The following TRAPPC9 variants were observed in gnomAD, a reference collection of about 807,000 sequenced individuals.
TRAPPC9 encodes the protein IKK2 binding protein.
TRAPPC9 carries 83 observed loss-of-function variants against 124.0 expected under a neutral mutation model. The observed-to-expected ratio is 0.67, with a 90% CI of 0.56 to 0.80. The LOEUF (loss-of-function observed/expected upper bound fraction) is 0.80, where lower values mean the gene tolerates loss of function less well. TRAPPC9 is among the 30% of genes least tolerant of loss of function. The pLI is 0.00. For synonymous variants in TRAPPC9, 638 were observed against 617.5 expected, an observed-to-expected ratio of 1.03 and a Z score of -0.49; for missense variants, 1,302 against 1,508.3, an observed-to-expected ratio of 0.86 and a Z score of 2.27.
At chr8:140,420,709 AAAGAGATAAAC>A (rs1167442361) in intron 5 of TRAPPC9, among the ~76,000 whole-genome samples, 1 of 152,180 alleles carries the variant, frequency 6.6e-6, no homozygotes, top group East Asian at 1.9e-4. Flanking sequence ...AAAAATGTAT[AAAGAGATAAAC>A]AAATATCTAG....
At chr8:140,101,667 C>T (rs562024953) in intron 17 of TRAPPC9, among the ~76,000 whole-genome samples, 149 of 150,926 alleles carry the variant, frequency 9.9e-4, no homozygotes, top group African/African-American at 3.6e-3. Context: ...CTCAGCCACC[C>T]AAGTAGCTGG....
chr8:139,842,308 T>C (rs746263965), intron 21 of TRAPPC9, among the ~76,000 whole-genome samples: 3 of 152,204 alleles, frequency 2.0e-5, no homozygotes, highest in Non-Finnish European at 2.9e-5. Context: ...GCCCAGAGCT[T>C]CCCACCTGTG....
intron 17 of TRAPPC9, among the ~76,000 whole-genome samples, chr8:140,163,836 A>T (rs912016732): frequency 3.9e-5 from 6 of 152,224 alleles, no homozygotes; most frequent in African/African-American, 1.4e-4. Context: ...TCCAGGAGCA[A>T]GAAGAGAGTT....
chr8:140,340,128 A>G (rs6985513), intron 9 of TRAPPC9, among the ~76,000 whole-genome samples: 98,712 of 152,124 alleles, frequency 0.65, 32,716 homozygotes, highest in African/African-American at 0.8. Flanking sequence ...ATTTACAGGC[A>G]TGAGCCACTG....
At chr8:139,943,659 A>C (rs749880899) in intron 19 of TRAPPC9, among the ~76,000 whole-genome samples, 2 of 152,220 alleles carry the variant, frequency 1.3e-5, no homozygotes, top group Non-Finnish European at 2.9e-5. Flanking sequence ...CATTATTGAA[A>C]ATACTGTGGC....
intron 18 of TRAPPC9, among the ~76,000 whole-genome samples, chr8:140,005,924 AGGAGG>A (rs1197779743): frequency 2.0e-5 from 3 of 147,904 alleles, no homozygotes; most frequent in African/African-American, 7.5e-5. Flanking sequence ...AAAAAAAAAA[AGGAGG>A]AGGAGGAGGA....
At chr8:140,010,203 T>C (rs1839031965) in intron 18 of TRAPPC9, among the ~76,000 whole-genome samples, 1 of 152,228 alleles carries the variant, frequency 6.6e-6, no homozygotes, top group African/African-American at 2.4e-5. Flanking sequence ...TCTTAGATTT[T>C]TGCAATTTAA....
At chr8:140,250,335 G>A (rs982502904) in intron 16 of TRAPPC9, among the ~76,000 whole-genome samples, 5 of 152,180 alleles carry the variant, frequency 3.3e-5, no homozygotes, top group Admixed American at 2.6e-4. Flanking sequence ...ATCCCGGTTT[G>A]TGCAACAGCT....
chr8:139,929,734 G>A (rs1287553273), intron 19 of TRAPPC9, among the ~76,000 whole-genome samples: 1 of 152,256 alleles, frequency 6.6e-6, no homozygotes, highest in Non-Finnish European at 1.5e-5. Flanking sequence ...CGACACATAG[G>A]TGTGTGGGGA....
chr8:140,361,827 G>C (rs768936276), intron 8 of TRAPPC9, among the ~76,000 whole-genome samples: 26 of 152,296 alleles, frequency 1.7e-4, no homozygotes, highest in Admixed American at 5.9e-4. Context: ...AGGGCCTGAC[G>C]TGAGACTGGG....
intron 17 of TRAPPC9, among the ~76,000 whole-genome samples, chr8:140,108,892 A>G (rs2060714488): frequency 6.6e-6 from 1 of 152,222 alleles, no homozygotes; most frequent in African/African-American, 2.4e-5. Context: ...ATGACTAAGA[A>G]TAGATTGAAA....
At chr8:139,857,626 G>T (rs1160457122) in intron 21 of TRAPPC9, among the ~76,000 whole-genome samples, 1 of 152,202 alleles carries the variant, frequency 6.6e-6, no homozygotes, top group Admixed American at 6.5e-5. Context: ...GCTCCGTATG[G>T]TGCCCTCTGA....
At chr8:139,792,514 C>CA (rs1357857854) in intron 21 of TRAPPC9, among the ~76,000 whole-genome samples, 2 of 152,292 alleles carry the variant, frequency 1.3e-5, no homozygotes, top group East Asian at 3.9e-4. Context: ...CCACTGTTCC[C>CA]ACTGAACGAA....
chr8:140,183,329 G>A (rs2062250229), intron 17 of TRAPPC9, among the ~76,000 whole-genome samples: 1 of 152,172 alleles, frequency 6.6e-6, no homozygotes, highest in Non-Finnish European at 1.5e-5. Flanking sequence ...CCCAGCTCCT[G>A]ACACAGTTTA....
rs551404603 is a variant in TRAPPC9 at position 140,134,291 on chromosome 8, G to A, written c.2556+87168C>T. Among the ~76,000 whole-genome samples the A allele has an allele frequency of 2.0e-5, 3 of 151,874 alleles. No homozygotes were observed. The South Asian group carries it at 6.2e-4, about 32-fold the overall frequency. ...TCTTTTTTTTTTCTTTTCCGGGGCA[G>A]AGTCTTGCTCTGTCACCCAGGCTAG... On this transcript the variant is annotated intron_variant, in intron 17 of 22. Coordinates refer to ENST00000438773, the MANE Select transcript of TRAPPC9 (RefSeq NM_001160372.4).
chr8:140,120,580 A>C (rs1462075937), intron 17 of TRAPPC9, among the ~76,000 whole-genome samples: 9 of 151,804 alleles, frequency 5.9e-5, no homozygotes, highest in Non-Finnish European at 1.2e-4. Flanking sequence ...ACATCCATCC[A>C]TCCATTCATC....
At chr8:140,441,128 A>G (rs1456115489) in intron 2 of TRAPPC9, among the ~76,000 whole-genome samples, 1 of 151,432 alleles carries the variant, frequency 6.6e-6, no homozygotes, top group Admixed American at 6.6e-5. Flanking sequence ...ACAGGTGTGC[A>G]CCACAACACC....
rs1033228149 is a variant in TRAPPC9, at chr8:139,730,049, C to T, written c.*1012G>A. 2.0e-5 allele frequency among the ~76,000 whole-genome samples: 3 copies of T among 152,156 alleles called. No homozygotes were observed. The highest frequency in any genetic ancestry group is 2.9e-5 in the Non-Finnish European group (2 of 68,024). On this transcript the variant is annotated 3_prime_UTR_variant, in exon 23 of 23. Coordinates refer to ENST00000438773, the MANE Select transcript of TRAPPC9 (RefSeq NM_001160372.4). ...GGGAGATGTGAGCCGTGTGCTTTCTCTCTCCGGTCCTCCCTGAGGAACGCA... is the reference window on the plus strand; with the variant it reads ...GGGAGATGTGAGCCGTGTGCTTTCTTTCTCCGGTCCTCCCTGAGGAACGCA...
chr8:140,289,684 C>A (rs1361996892), intron 12 of TRAPPC9, among the ~76,000 whole-genome samples: 3 of 149,514 alleles, frequency 2.0e-5, no homozygotes, highest in Non-Finnish European at 1.5e-5. Flanking sequence ...ATTTTAAGAC[C>A]AAAAAAAAAA....
Sources: gnomAD v4.1 joint callset for allele counts (sites outside exome capture counted in the v4.1 genomes callset) on GRCh38, gnomAD v4.1.1 for gene constraint, MANE v1.5 for transcripts, NCBI Gene and HGNC (gene_info 2026-07-23, HGNC 2026-07-21) for gene names.